ADAP1: variants seen among roughly 807,000 people sequenced by gnomAD.
ADAP1 encodes arf-GAP with dual PH domain-containing protein 1.
ADAP1 carries 31 observed loss-of-function variants against 54.9 expected under a neutral mutation model. The ratio of observed to expected loss-of-function variants is 0.56; its 90% CI spans 0.42 to 0.76. The LOEUF is 0.76. Among genes scored for constraint, ADAP1 ranks in the 30% least tolerant of loss-of-function variants. ADAP1 has a pLI of 0.00. For missense variants in ADAP1, 535 were observed against 512.4 expected, an observed-to-expected ratio of 1.04 and a Z score of -0.42; for synonymous variants, 313 against 202.6, an observed-to-expected ratio of 1.55 and a Z score of -4.63.
intron 4 of ADAP1, among the ~76,000 whole-genome samples, chr7:906,065 GAGAAAGGA>G (rs1845278183): frequency 1.3e-4 from 1 of 7,758 alleles, no homozygotes; most frequent in African/African-American, 1.3e-3. Context: ...AGGAGAAAGG[GAGAAAGGA>G]GAAAGGGAAA....
intron 3 of ADAP1, chr7:923,198 G>A (rs1846252141): frequency 6.6e-6 from 1 of 152,104 alleles, no homozygotes; most frequent in Admixed American, 6.6e-5. Flanking sequence ...CGGGCATGTG[G>A]TGCTGTGTTC....
At chr7:902,391 A>G (rs55679033) in intron 6 of ADAP1, among the ~76,000 whole-genome samples, 14 of 135,736 alleles carry the variant, frequency 1.0e-4, no homozygotes, top group South Asian at 4.9e-4. Flanking sequence ...CAGGGAGGCA[A>G]AGGTTGCAGT....
intron 1 of ADAP1, among the ~76,000 whole-genome samples, chr7:947,366 T>C (rs1847167152): frequency 6.6e-6 from 1 of 151,762 alleles, no homozygotes; most frequent in Non-Finnish European, 1.5e-5. Context: ...CTTGATTTTT[T>C]AAAAAAGGAG....
chr7:909,869 C>A (rs1845649733), intron 4 of ADAP1, among the ~76,000 whole-genome samples: 1 of 151,640 alleles, frequency 6.6e-6, no homozygotes, highest in East Asian at 1.9e-4. Flanking sequence ...GGGGGGGGTT[C>A]TACTGCACAC....
rs1846835365 is a variant in ADAP1 at position 938,125 on chromosome 7, G to A, written c.83-2620C>T. Among the ~76,000 whole-genome samples, 1 of 152,164 alleles carries A rather than the reference G, an allele frequency of 6.6e-6. No homozygotes were observed. Among genetic ancestry groups the A allele is most frequent in the Non-Finnish European group, 1.5e-5 (1 of 68,036 alleles). On this transcript the variant is annotated intron_variant, in intron 1 of 10. Coordinates refer to ENST00000265846, the MANE Select transcript of ADAP1 (RefSeq NM_006869.4). The surrounding 1 kb of genome is among the most constrained non-coding windows in gnomAD (Gnocchi z 4.4). ...GGCGGCTTTTGGGAGAAAGAATGCG[G>A]TTACAGGATCAGCCGTTGTTTGGTT...
chr7:929,168 C>T (rs6959955), intron 2 of ADAP1, among the ~76,000 whole-genome samples: 4,943 of 151,720 alleles, frequency 0.033, 175 homozygotes, highest in East Asian at 0.12. Flanking sequence ...GGTGCACGCC[C>T]GTAATCCCAG....
Position 920,695 on chromosome 7 carries a change from C to T in ADAP1, c.306-645G>A, listed in dbSNP as rs1846158756. On this transcript the variant is annotated intron_variant, in intron 3 of 10. Coordinates refer to ENST00000265846, the MANE Select transcript of ADAP1 (RefSeq NM_006869.4). This position sits in a 1 kb window ranked among gnomAD's most constrained non-coding sequence, Gnocchi z 4.5. ...AGGAGAAGCCCCCGAGAGTAAAGCC[C>T]GGGACGAGGGCCCCCCACGGCACCC... 7.9e-6 allele frequency: 9 copies of T among 1,134,856 alleles called. No individual in the cohort carries two copies. Among genetic ancestry groups the T allele is most frequent in the Admixed American group, 2.6e-5 (1 of 39,128 alleles). 70.3% of individuals were successfully genotyped at this position (1,134,856 alleles called of 1,614,324 possible). A position where few individuals can be genotyped will look rare whatever the true frequency, so the allele number is the denominator to read the frequency against.
rs1284659414 is a variant in ADAP1 at position 920,893 on chromosome 7, G to A, written c.306-843C>T. The A allele has an allele frequency of 1.5e-5, 24 of 1,548,822 alleles. No homozygotes were observed. Among genetic ancestry groups the A allele is most frequent in the Non-Finnish European group, 1.9e-5 (22 of 1,146,130 alleles). On this transcript the variant is annotated intron_variant, in intron 3 of 10. Coordinates refer to ENST00000265846, the MANE Select transcript of ADAP1 (RefSeq NM_006869.4). The surrounding 1 kb of genome is among the most constrained non-coding windows in gnomAD (Gnocchi z 4.5). ...TTTTCCACTCCCAGGGAATTACGCG[G>A]CAAAGAACAAATAGGAACCCTGTGG... is the stretch of plus-strand genomic sequence containing the variant.
At position 920,699 on chromosome 7, in the gene ADAP1, A is replaced by C; in HGVS notation, c.306-649T>G. 4 of 1,137,388 alleles carry C rather than the reference A, an allele frequency of 3.5e-6. No homozygotes were observed. Among genetic ancestry groups the C allele is most frequent in the Non-Finnish European group, 3.7e-6 (3 of 804,148 alleles). 70.5% of individuals were successfully genotyped at this position (1,137,388 alleles called of 1,614,324 possible). On this transcript the variant is annotated intron_variant, in intron 3 of 10. Coordinates refer to ENST00000265846, the MANE Select transcript of ADAP1 (RefSeq NM_006869.4). This position sits in a 1 kb window ranked among gnomAD's most constrained non-coding sequence, Gnocchi z 4.5. ...GAAGCCCCCGAGAGTAAAGCCCGGG[A>C]CGAGGGCCCCCCACGGCACCCACTG...
At chr7:902,130 T>C (rs1844848538) in intron 6 of ADAP1, among the ~76,000 whole-genome samples, 2 of 151,340 alleles carry the variant, frequency 1.3e-5, no homozygotes, top group South Asian at 4.1e-4. Flanking sequence ...GACACCAGCC[T>C]GACCAACATG....
rs577863023 is a variant in ADAP1 at position 906,843 on chromosome 7, G to A, written c.389-1671C>T. 4.0e-5 allele frequency among the ~76,000 whole-genome samples: 6 copies of A among 150,598 alleles called. No individual in the cohort carries two copies. The East Asian group carries it at 1.2e-3, about 29-fold the overall frequency. On this transcript the variant is annotated intron_variant, in intron 4 of 10. Coordinates refer to ENST00000265846, the MANE Select transcript of ADAP1 (RefSeq NM_006869.4). ...GTCAGATGGTGATGGTGGATGGTTGGTGAGGGGATATGACAGTGGACCAGC... is the reference window on the plus strand; with the variant it reads ...GTCAGATGGTGATGGTGGATGGTTGATGAGGGGATATGACAGTGGACCAGC...
chr7:932,739 C>A (rs1310902779), intron 2 of ADAP1, among the ~76,000 whole-genome samples: 2 of 152,152 alleles, frequency 1.3e-5, no homozygotes, highest in Non-Finnish European at 2.9e-5. Context: ...ATATCACATC[C>A]CAGTGTCCCC....
chr7:928,901 C>G (rs565801465), intron 2 of ADAP1, among the ~76,000 whole-genome samples: 1 of 152,234 alleles, frequency 6.6e-6, no homozygotes, highest in Non-Finnish European at 1.5e-5. Context: ...GCACATTCTT[C>G]GTGACAGCTG....
chr7:926,861 A>C lies in ADAP1; in HGVS notation c.214-217T>G. ...GGACAGGGAAGGAGCCAGCGTCCCT[A>C]ACGACGGGGTCCCGGCAAAGGGGGC... On this transcript the variant is annotated intron_variant, in intron 2 of 10. Transcript: ENST00000265846. The surrounding 1 kb of genome is among the most constrained non-coding windows in gnomAD (Gnocchi z 4.6). 6 of 825,502 alleles carry C rather than the reference A, an allele frequency of 7.3e-6. No individual in the cohort carries two copies. The highest frequency in any genetic ancestry group is 2.0e-5 in the South Asian group (1 of 49,426). The allele number at this position is 825,502 out of a possible 1,614,324, so 51.1% of individuals were successfully genotyped here. A position where few individuals can be genotyped will look rare whatever the true frequency, so the allele number is the denominator to read the frequency against.
intron 1 of ADAP1, 151 bp from the exon 2 acceptor site, chr7:935,656 G>A (rs1846734222): frequency 1.0e-5 from 10 of 986,388 alleles, no homozygotes; most frequent in Non-Finnish European, 1.4e-5. Context: ...CGCCCCACAG[G>A]CACCTAACCC....
intron 6 of ADAP1, 73 bp from the exon 7 acceptor site, chr7:900,689 TCCCCACAGAGGGGCCGCTTC>T: frequency 2.3e-6 from 3 of 1,320,056 alleles, no homozygotes; most frequent in Non-Finnish European, 3.2e-6. Context: ...GGGGCTGGGG[TCCCCACAGAGGGGCCGCTTC>T]CCCCAGAGCC....
intron 4 of ADAP1, among the ~76,000 whole-genome samples, chr7:909,369 G>T (rs1343565951): frequency 2.5e-5 from 3 of 119,044 alleles, no homozygotes; most frequent in South Asian, 5.8e-4. Context: ...CGGTCCTCCC[G>T]ACAGCAGGCG....
chr7:923,982 C>G (rs537334703), intron 3 of ADAP1, among the ~76,000 whole-genome samples: 95 of 151,996 alleles, frequency 6.3e-4, no homozygotes, highest in Middle Eastern at 3.4e-3. Context: ...GCCACAGAGC[C>G]GGACCACAAA....
intron 4 of ADAP1, 102 bp from the exon 5 acceptor site, chr7:905,274 G>C (rs1845061929): frequency 2.2e-6 from 1 of 459,712 alleles, no homozygotes; most frequent in Non-Finnish European, 3.5e-6. Context: ...AGAAGACACG[G>C]GGGACACGGA....
Sources: gnomAD v4.1 joint callset for allele counts (sites outside exome capture counted in the v4.1 genomes callset) on GRCh38, gnomAD v4.1.1 for gene constraint, Gnocchi (gnomAD v3.1) non-coding constraint, MANE v1.5 for transcripts, NCBI Gene and HGNC (gene_info 2026-07-23, HGNC 2026-07-21) for gene names.